Variants in PCDHA3 observed in about 807,000 individuals in gnomAD.
PCDHA3 encodes protocadherin alpha-3.
Under a neutral mutation model 62.2 loss-of-function variants are expected in PCDHA3, and 41 were observed. The ratio of observed to expected loss-of-function variants is 0.66; its 90% confidence interval spans 0.51 to 0.86. PCDHA3 has a LOEUF of 0.86. Ranked by LOEUF, PCDHA3 falls within the 40% of genes least tolerant of loss-of-function variation. The pLI is 0.00. For synonymous variants in PCDHA3, 640 were observed against 555.4 expected (o/e 1.15, Z -2.14); for missense variants, 1,304 against 1,241.2 (o/e 1.05, Z -0.76).
intron 1 of PCDHA3, among the ~76,000 whole-genome samples, chr5:140,895,873 G>A (rs112324080): frequency 0.13 from 19,058 of 152,088 alleles, 1,272 homozygotes; most frequent in Middle Eastern, 0.19. Context: ...GTGCAATGGC[G>A]CGATCTCGGC....
chr5:140,966,385 G>C (rs1486179807), intron 1 of PCDHA3: 1 of 405,050 alleles, frequency 2.5e-6, no homozygotes, highest in East Asian at 3.6e-5. Flanking sequence ...CGGGTTCGCT[G>C]TCCGCCACTT....
intron 1 of PCDHA3, among the ~76,000 whole-genome samples, chr5:140,899,610 A>G (rs2067438350): frequency 6.6e-6 from 1 of 152,164 alleles, no homozygotes; most frequent in Admixed American, 6.5e-5. Flanking sequence ...TTTTGCATCA[A>G]TGTTCATCAA....
intron 1 of PCDHA3, chr5:140,825,213 G>T (rs989046877): frequency 6.6e-6 from 1 of 151,464 alleles, no homozygotes; most frequent in African/African-American, 2.4e-5. Context: ...TACTGAAGTA[G>T]ATTTGTTTTT....
chr5:140,802,149 A>G lies in PCDHA3; in HGVS notation c.952A>G (p.Ile318Val), dbSNP rs3733708. 850,393 of 1,613,974 alleles carry G rather than the reference A, an allele frequency of 0.53. 224,685 individuals carry two copies. The highest frequency in any genetic ancestry group is 0.58 in the Middle Eastern group (3,522 of 6,060). Residue 318 changes from isoleucine to valine, a missense_variant, in exon 1 of 4, where the codon ATC becomes GTC. Physicochemically the swap from Ile to Val is conservative, Grantham distance 29 (BLOSUM62 3). Coordinates refer to ENST00000522353, the MANE Select transcript of PCDHA3 (RefSeq NM_018906.3). Reference protein sequence around the residue: ...IDFEESKSYEIQVEATDKGNP... With the variant: ...IDFEESKSYEVQVEATDKGNP... ...TTTCGAGGAAAGTAAGTCATATGAAATCCAGGTAGAAGCCACGGATAAAGG... is the reference window on the plus strand; with the variant it reads ...TTTCGAGGAAAGTAAGTCATATGAAGTCCAGGTAGAAGCCACGGATAAAGG...
At chr5:141,002,485 C>T (rs1287282223) in intron 3 of PCDHA3, among the ~76,000 whole-genome samples, 2 of 152,154 alleles carry the variant, frequency 1.3e-5, no homozygotes, top group Non-Finnish European at 2.9e-5. Flanking sequence ...AAAGGATGAC[C>T]TTGTTATACA....
chr5:140,883,581 C>T (rs144119560), intron 1 of PCDHA3: 1 of 1,614,018 alleles, frequency 6.2e-7, no homozygotes, highest in Non-Finnish European at 8.5e-7. Flanking sequence ...CTGTGGGCCA[C>T]GGCCAGCGTG....
intron 1 of PCDHA3, among the ~76,000 whole-genome samples, chr5:140,970,958 C>T (rs1554232904): frequency 6.6e-6 from 1 of 152,106 alleles, no homozygotes; most frequent in Non-Finnish European, 1.5e-5. Context: ...CCATGGGAGG[C>T]AGATTGTAGA....
Position 141,009,965 on chromosome 5 carries a change from G to A in PCDHA3, c.*28G>A, listed in dbSNP as rs782001097. On this transcript the variant is annotated 3_prime_UTR_variant, in exon 4 of 4. Coordinates refer to ENST00000522353, the MANE Select transcript of PCDHA3 (RefSeq NM_018906.3). ...TCCTCAAATGGAAACAAGCCACTTA[G>A]CCAGTTTTTGTAATAATGGCAAATC... is the stretch of plus-strand genomic sequence containing the variant. 1.6e-5 allele frequency: 26 copies of A among 1,587,906 alleles called. No individual in the cohort carries two copies. Among genetic ancestry groups the A allele is most frequent in the Non-Finnish European group, 2.6e-6 (3 of 1,170,436 alleles).
intron 1 of PCDHA3, chr5:140,823,032 C>A: frequency 1.2e-6 from 2 of 1,614,230 alleles, no homozygotes; most frequent in Non-Finnish European, 8.5e-7. Flanking sequence ...GCGTGTCGGT[C>A]TATGAGCTGG....
At chr5:140,827,751 A>G (rs1042537748) in intron 1 of PCDHA3, among the ~76,000 whole-genome samples, 1 of 152,258 alleles carries the variant, frequency 6.6e-6, no homozygotes, top group Non-Finnish European at 1.5e-5. Context: ...TAGATCCCTT[A>G]CTTTAAATTA....
chr5:140,937,776 G>A (rs1350103217), intron 1 of PCDHA3, among the ~76,000 whole-genome samples: 1 of 151,292 alleles, frequency 6.6e-6, no homozygotes, highest in Non-Finnish European at 1.5e-5. Context: ...GTCGGGCGTG[G>A]TGGCGGGCGT....
intron 1 of PCDHA3, chr5:140,867,574 C>T (rs1581813828): frequency 6.6e-6 from 1 of 152,044 alleles, no homozygotes; most frequent in East Asian, 1.9e-4. Context: ...TTCATATGCC[C>T]TTGCAGTATT....
chr5:140,980,044 T>G (rs1249451662), intron 2 of PCDHA3, among the ~76,000 whole-genome samples: 11 of 152,258 alleles, frequency 7.2e-5, no homozygotes, highest in Non-Finnish European at 1.5e-4. Flanking sequence ...GGGTGCTATT[T>G]CTGATTCAGA....
chr5:140,927,155 G>A (rs2083907874), intron 1 of PCDHA3: 1 of 1,614,076 alleles, frequency 6.2e-7, no homozygotes, highest in Non-Finnish European at 8.5e-7. Flanking sequence ...CAGCTGTGCA[G>A]GGCCAAAGCT....
chr5:140,909,601 C>G (rs1554193864), intron 1 of PCDHA3, among the ~76,000 whole-genome samples: 1 of 152,170 alleles, frequency 6.6e-6, no homozygotes, highest in Non-Finnish European at 1.5e-5. Context: ...TACTATTTTT[C>G]TAGGTAGAGG....
intron 1 of PCDHA3, among the ~76,000 whole-genome samples, chr5:140,894,318 T>C (rs1403062288): frequency 1.3e-5 from 2 of 152,086 alleles, no homozygotes; most frequent in Non-Finnish European, 2.9e-5. Context: ...TCTTAAATTA[T>C]AGATTTTAGT....
At chr5:140,936,153 A>G (rs539421853) in intron 1 of PCDHA3, among the ~76,000 whole-genome samples, 1 of 152,284 alleles carries the variant, frequency 6.6e-6, no homozygotes, top group Admixed American at 6.5e-5. Flanking sequence ...TTGGCCTCCT[A>G]AAGTGCTGGG....
chr5:140,984,658 A>G (rs1421972508), intron 3 of PCDHA3, among the ~76,000 whole-genome samples: 1 of 152,146 alleles, frequency 6.6e-6, no homozygotes, highest in Non-Finnish European at 1.5e-5. Flanking sequence ...TCCTTCTGGT[A>G]CTTTTAGGTT....
intron 1 of PCDHA3, chr5:140,883,461 T>C: frequency 2.5e-6 from 4 of 1,614,144 alleles, no homozygotes; most frequent in Non-Finnish European, 3.4e-6. Context: ...TTCAAGCTGG[T>C]GTCCACCTAC....
Sources: allele counts gnomAD v4.1 joint callset (sites outside exome capture counted in the v4.1 genomes callset), GRCh38; gene constraint gnomAD v4.1.1; transcripts MANE v1.5; gene names NCBI Gene and HGNC (gene_info 2026-07-23, HGNC 2026-07-21).